The following MPHOSPH8 variants were observed in gnomAD, a reference collection of about 807,000 sequenced individuals.
MPHOSPH8 encodes the protein M-phase phosphoprotein, mpp.
Under a neutral mutation model 87.3 loss-of-function variants are expected in MPHOSPH8, and 45 were observed. The ratio of observed to expected loss-of-function variants is 0.52; its 90% CI spans 0.41 to 0.66. The LOEUF (loss-of-function observed/expected upper bound fraction) is 0.66. Ranked by LOEUF, MPHOSPH8 falls within the 30% of genes least tolerant of loss-of-function variation. MPHOSPH8 has a pLI of 0.00. For missense variants in MPHOSPH8, 883 were observed against 1,020.2 expected, an observed-to-expected ratio of 0.87 and a Z score of 1.83; for synonymous variants, 366 against 376.9, an observed-to-expected ratio of 0.97 and a Z score of 0.33.
intron 7 of MPHOSPH8, among the ~76,000 whole-genome samples, chr13:19,660,529 A>G (rs960306795): frequency 7.2e-5 from 11 of 152,278 alleles, no homozygotes; most frequent in Admixed American, 4.6e-4. Flanking sequence ...TTAAAATTGC[A>G]TGAAATAATA....
chr13:19,654,111 C>G (rs1197931132), intron 5 of MPHOSPH8, among the ~76,000 whole-genome samples: 1 of 152,188 alleles, frequency 6.6e-6, no homozygotes, highest in Non-Finnish European at 1.5e-5. Context: ...TCATCAGATT[C>G]ACCAAGGTTG....
chr13:19,646,332 A>G, intron 2 of MPHOSPH8, 111 bp from the exon 3 acceptor site: 1 of 941,512 alleles, frequency 1.1e-6, no homozygotes, highest in Non-Finnish European at 1.4e-6. Context: ...TAAGAAGTTG[A>G]GATTCTGCTT....
chr13:19,668,357 G>A lies in MPHOSPH8; in HGVS notation c.2175-20G>A, dbSNP rs527533408. On this transcript the variant is annotated intron_variant, in intron 10 of 13. Coordinates refer to ENST00000361479, the MANE Select transcript of MPHOSPH8 (RefSeq NM_017520.4). ...TTCTTTTCTACATTAACGTTAACAC[G>A]TACTATTTTTTTTTCTTAGACTTTC... 2.0e-5 allele frequency: 32 copies of A among 1,607,750 alleles called. No individual in the cohort carries two copies. In the African/African-American group the frequency reaches 2.4e-4, roughly 12 times the overall value.
chr13:19,653,305 C>G (rs1472218033), intron 5 of MPHOSPH8, among the ~76,000 whole-genome samples: 1 of 152,130 alleles, frequency 6.6e-6, no homozygotes, highest in African/African-American at 2.4e-5. Flanking sequence ...TGGAGTGAGC[C>G]TCCAGCAAAC....
rs1874762605 is a variant in MPHOSPH8, at chr13:19,650,084, A to G, written c.1400A>G (p.Lys467Arg). The G allele has an allele frequency of 6.2e-7, 1 of 1,613,212 alleles. No homozygotes were observed. The highest frequency in any genetic ancestry group is 8.5e-7 in the Non-Finnish European group (1 of 1,179,670). ...AATGATGTTTCTGAGAATAATCGGA[A>G]AAGGGAAGAAATACCACTGGATTTT... ...EKNDVSENNR[K>R]REEIPLDFKT... The change falls in exon 5 of 14, where the codon AAA becomes AGA. Residue 467 changes from lysine (K) to arginine (R), a missense_variant. By Grantham distance (26) the Lys-to-Arg change is conservative (BLOSUM62 2). This residue lies in a region of MPHOSPH8 where 741 missense variants were observed against 841.5 expected (regional missense o/e 0.88). Transcript: ENST00000361479.
chr13:19,649,846 G>A (rs1048014163), intron 4 of MPHOSPH8, among the ~76,000 whole-genome samples, 157 bp from the exon 5 acceptor site: 1 of 152,162 alleles, frequency 6.6e-6, no homozygotes, highest in South Asian at 2.1e-4. Context: ...CGATTTTGTG[G>A]CTTTGACAGT....
Position 19,671,280 on chromosome 13 carries a change from C to T in MPHOSPH8, c.2532C>T (p.Pro844=), listed in dbSNP as rs756601872. 2 of 1,612,548 alleles carry T rather than the reference C, an allele frequency of 1.2e-6. No homozygotes were observed. The highest frequency in any genetic ancestry group is 1.7e-6 in the Non-Finnish European group (2 of 1,178,632). Residue 844 remains proline, a synonymous_variant, in exon 13 of 14, where the codon CCC becomes CCT. Transcript: ENST00000361479. ...TCTTCATAAGGTTGACAGAAGCACC[C>T]TCTGCCAAGGTGACAGTCCTTTCTT... ...NKLFIRLTEA[P]SAKVKLLIGA...
chr13:19,633,680 C>G lies in MPHOSPH8; in HGVS notation c.-69C>G. On this transcript the variant is annotated 5_prime_UTR_variant, in exon 1 of 14. Transcript: ENST00000361479. ...CGCTGATGTGGAGTAGGGCCGAGCG[C>G]GGAACGCGAGGGGCTGCTGGGGTGT... 2 of 1,520,216 alleles carry G rather than the reference C, an allele frequency of 1.3e-6. No homozygotes were observed. The highest frequency in any genetic ancestry group is 1.8e-6 in the Non-Finnish European group (2 of 1,120,336). The allele number at this position is 1,520,216 out of a possible 1,614,324, so 94.2% of individuals were successfully genotyped here.
Position 19,671,964 on chromosome 13 carries a change from G to A in MPHOSPH8, c.*89G>A, listed in dbSNP as rs1876155497. ...TTTGGAATTCTTCTAGCACATCTAT[G>A]TAAAGTTTTGTCTGTAAACCTCTTG... On this transcript the variant is annotated 3_prime_UTR_variant, in exon 14 of 14. Coordinates refer to ENST00000361479, the MANE Select transcript of MPHOSPH8 (RefSeq NM_017520.4). 1 of 1,366,646 alleles carries A rather than the reference G, an allele frequency of 7.3e-7. No individual in the cohort carries two copies. Among genetic ancestry groups the A allele is most frequent in the South Asian group, 1.2e-5 (1 of 84,404 alleles). 84.7% of individuals were successfully genotyped at this position (1,366,646 alleles called of 1,614,324 possible).
At chr13:19,658,560 C>T (rs1174258323) in intron 5 of MPHOSPH8, among the ~76,000 whole-genome samples, 3 of 152,158 alleles carry the variant, frequency 2.0e-5, no homozygotes, top group African/African-American at 7.2e-5. Context: ...TAAGCAGTGC[C>T]TTTGACTCAC....
intron 2 of MPHOSPH8, among the ~76,000 whole-genome samples, chr13:19,643,981 C>G (rs1267948671): frequency 6.6e-6 from 1 of 152,212 alleles, no homozygotes; most frequent in East Asian, 1.9e-4. Flanking sequence ...AAATTAACCT[C>G]AGATTTGCTA....
chr13:19,635,955 T>A (rs919100638), intron 1 of MPHOSPH8, among the ~76,000 whole-genome samples: 1 of 152,156 alleles, frequency 6.6e-6, no homozygotes, highest in African/African-American at 2.4e-5. Flanking sequence ...CGTCTGGCAT[T>A]TCCCCTGCTT....
At chr13:19,654,853 C>G (rs1875062637) in intron 5 of MPHOSPH8, among the ~76,000 whole-genome samples, 1 of 152,008 alleles carries the variant, frequency 6.6e-6, no homozygotes, top group African/African-American at 2.4e-5. Context: ...GAAGTTGAGG[C>G]AGGAGAATCG....
At chr13:19,647,675 T>G (rs1356622103) in intron 3 of MPHOSPH8, among the ~76,000 whole-genome samples, 6 of 152,202 alleles carry the variant, frequency 3.9e-5, no homozygotes, top group Non-Finnish European at 5.9e-5. Flanking sequence ...CAAACTACAT[T>G]AACCAGTATT....
At chr13:19,640,294 A>G (rs1469397663) in intron 1 of MPHOSPH8, among the ~76,000 whole-genome samples, 1 of 152,186 alleles carries the variant, frequency 6.6e-6, no homozygotes, top group Non-Finnish European at 1.5e-5. Context: ...AATAAATGCA[A>G]AGATTTAGAC....
intron 1 of MPHOSPH8, among the ~76,000 whole-genome samples, chr13:19,640,152 A>G (rs1307406991): frequency 6.6e-6 from 1 of 152,150 alleles, no homozygotes; most frequent in Non-Finnish European, 1.5e-5. Flanking sequence ...CTGGGTTTGA[A>G]TTTCAGCTGA....
At chr13:19,645,230 C>T (rs1874503676) in intron 2 of MPHOSPH8, among the ~76,000 whole-genome samples, 2 of 152,172 alleles carry the variant, frequency 1.3e-5, no homozygotes, top group African/African-American at 2.4e-5. Context: ...GCCTTCGCTT[C>T]CCCTGAGTGA....
chr13:19,659,029 C>T lies in MPHOSPH8; in HGVS notation c.1611C>T (p.Asp537=), dbSNP rs371830844. ...AGCAGATTCTGAGTTTGGGCATGGA[C>T]CTGCAGTTGGAATGGATGAAGTTGG... ...GRQQILSLGM[D]LQLEWMKLED... Residue 537 remains aspartate (D), a synonymous_variant, in exon 6 of 14, where the codon GAC becomes GAT. Coordinates refer to ENST00000361479, the MANE Select transcript of MPHOSPH8 (RefSeq NM_017520.4). The T allele has an allele frequency of 1.4e-5, 23 of 1,613,878 alleles. No homozygotes were observed. The highest frequency in any genetic ancestry group is 1.9e-5 in the Non-Finnish European group (23 of 1,180,006).
At chr13:19,670,511 A>C in intron 12 of MPHOSPH8, 148 bp downstream of exon 12, 1 of 1,019,106 alleles carries the variant, frequency 9.8e-7, no homozygotes, top group South Asian at 1.7e-5. Context: ...CAATACCCAT[A>C]AAGTAAAATT....
Sources: gnomAD v4.1 joint callset for allele counts (sites outside exome capture counted in the v4.1 genomes callset) on GRCh38, gnomAD v4.1.1 for gene constraint, gnomAD v4.1.1 regional missense constraint, MANE v1.5 for transcripts, NCBI Gene and HGNC (gene_info 2026-07-23, HGNC 2026-07-21) for gene names.